Variants in GRAMD1C observed in about 807,000 individuals in gnomAD.
GRAMD1C encodes protein Aster-C.
A neutral mutation model predicts 97.8 loss-of-function variants in GRAMD1C; 89 were observed. The ratio of observed to expected loss-of-function variants is 0.91; its 90% CI spans 0.77 to 1.09. The LOEUF (loss-of-function observed/expected upper bound fraction) is 1.09. GRAMD1C is among the 50% of genes least tolerant of loss of function. The probability of loss-of-function intolerance (pLI) is 0.00; values close to 1 mark genes in which losing one functional copy is unlikely to be tolerated. For missense variants in GRAMD1C, 740 were observed against 766.4 expected (o/e 0.97, Z 0.41); for synonymous variants, 256 against 267.0 (o/e 0.96, Z 0.40).
At chr3:113,921,679 T>C (rs1937061709) in intron 10 of GRAMD1C, among the ~76,000 whole-genome samples, 1 of 152,238 alleles carries the variant, frequency 6.6e-6, no homozygotes, top group South Asian at 2.1e-4. Flanking sequence ...AGTATCTCAC[T>C]GTGGTTTGAT....
In GRAMD1C at chr3:113,943,044, C is replaced by T. The variant is rs147560945; in HGVS notation, c.1909-2354C>T. Among the ~76,000 whole-genome samples the T allele has an allele frequency of 2.7e-3, 418 of 152,230 alleles. 3 individuals are homozygous for T. The highest frequency in any genetic ancestry group is 4.1e-3 in the Admixed American group (62 of 15,290). On this transcript the variant is annotated intron_variant, in intron 17 of 17. Transcript: ENST00000358160. Reference sequence around the variant, plus strand: ...CCTTGCCCTTATAGCTTTATGCCTTCTAAAAAATCTCTTTATTAGTAGAGT... The same window carrying T: ...CCTTGCCCTTATAGCTTTATGCCTTTTAAAAAATCTCTTTATTAGTAGAGT...
chr3:113,939,958 CT>C lies in GRAMD1C; in HGVS notation c.1768del (p.Tyr590ThrfsTer11). ...CAAAGATAGAACATGCTGCTCAGTC[CT>C]TTTACCGTCTCCGCCTCCAAGAAGA... ...LSKIEHAAQSFYRLRLQEEKS... is the reference protein window; with the variant it reads ...LSKIEHAAQSXYRLRLQEEKS... On this transcript the variant is annotated frameshift_variant, in exon 16 of 18. Transcript: ENST00000358160. LOFTEE classifies it high-confidence loss of function. 2 of 1,605,698 alleles carry C rather than the reference CT, an allele frequency of 1.2e-6. No homozygotes were observed. Among genetic ancestry groups the C allele is most frequent in the Non-Finnish European group, 1.7e-6 (2 of 1,172,342 alleles).
chr3:113,865,952 T>C (rs1273727668), intron 2 of GRAMD1C, among the ~76,000 whole-genome samples: 1 of 152,230 alleles, frequency 6.6e-6, no homozygotes, highest in Non-Finnish European at 1.5e-5. Context: ...ACATAGTTTA[T>C]GAGGCTTTAA....
chr3:113,876,120 G>T, intron 4 of GRAMD1C, 45 bp from the exon 5 acceptor site: 1 of 834,404 alleles, frequency 1.2e-6, no homozygotes, highest in Non-Finnish European at 2.1e-6. Flanking sequence ...TTTGTATTGT[G>T]TATGTTTCTG....
chr3:113,834,939 C>CAAAAAAAAAA (rs58338279), upstream of GRAMD1C, among the ~76,000 whole-genome samples: 1 of 126,058 alleles, frequency 7.9e-6, no homozygotes. Context: ...AACTCCGTCT[C>CAAAAAAAAAA]AAAAAAAAAA....
At chr3:113,896,225 TCTTA>T (rs1282278456) in intron 6 of GRAMD1C, among the ~76,000 whole-genome samples, 2 of 152,214 alleles carry the variant, frequency 1.3e-5, no homozygotes, top group Non-Finnish European at 2.9e-5. Context: ...CCTGTGCTCA[TCTTA>T]CTTGACCTTT....
At chr3:113,896,814 A>G (rs1935968009) in intron 6 of GRAMD1C, among the ~76,000 whole-genome samples, 1 of 152,174 alleles carries the variant, frequency 6.6e-6, no homozygotes, top group African/African-American at 2.4e-5. Flanking sequence ...ACACATCACT[A>G]AATTAAATGG....
chr3:113,908,081 A>G (rs2107325128), intron 8 of GRAMD1C, among the ~76,000 whole-genome samples: 1 of 152,294 alleles, frequency 6.6e-6, no homozygotes, highest in Admixed American at 6.5e-5. Flanking sequence ...GGAAACCTGT[A>G]TCCTCCCTGG....
At chr3:113,938,466 TG>T (rs1180754904) in intron 15 of GRAMD1C, 1 of 191,900 alleles carries the variant, frequency 5.2e-6, no homozygotes, top group Non-Finnish European at 1.1e-5. Context: ...ATATACATGC[TG>T]GGGAAGTGCC....
intron 10 of GRAMD1C, among the ~76,000 whole-genome samples, chr3:113,925,816 T>C (rs943585657): frequency 1.3e-5 from 2 of 152,212 alleles, no homozygotes; most frequent in Non-Finnish European, 2.9e-5. Context: ...ATCTCATTTC[T>C]CCTTCACTTA....
chr3:113,879,950 G>A (rs995337763), intron 5 of GRAMD1C, among the ~76,000 whole-genome samples: 22 of 151,850 alleles, frequency 1.4e-4, no homozygotes, highest in Non-Finnish European at 8.8e-5. Flanking sequence ...TGCCTTGGCC[G>A]CCCAAAGTGT....
intron 10 of GRAMD1C, chr3:113,920,183 C>G (rs2200577): frequency 0.46 from 627,704 of 1,356,654 alleles, 146,484 homozygotes; most frequent in African/African-American, 0.61. Flanking sequence ...GGCATCTGCT[C>G]AACAGCCTGA....
In GRAMD1C at chr3:113,938,094, A is replaced by G; in HGVS notation, c.1642A>G (p.Lys548Glu). ...TTTCTTGTGATCTACAGGAAAGAAA[A>G]AGGAAATGGAAAACTATAACGTCAC... ...GAKGDITGKK[K>E]EMENYNVTLI... Residue 548 changes from lysine to glutamate, a missense_variant, in exon 15 of 18, where the codon AAG (lysine) becomes GAG (glutamate). Lys to Glu is a moderately conservative substitution (Grantham distance 56). Transcript: ENST00000358160. 6.6e-7 allele frequency: 1 copy of G among 1,522,406 alleles called. No homozygotes were observed. The highest frequency in any genetic ancestry group is 2.3e-5 in the East Asian group (1 of 43,744). The allele number at this position is 1,522,406 out of a possible 1,614,324, so 94.3% of individuals were successfully genotyped here. A position where few individuals can be genotyped will look rare whatever the true frequency, so the allele number is the denominator to read the frequency against.
At chr3:113,907,654 AAT>A (rs761707061) in intron 8 of GRAMD1C, among the ~76,000 whole-genome samples, 65 of 152,202 alleles carry the variant, frequency 4.3e-4, no homozygotes, top group Non-Finnish European at 7.5e-4. Flanking sequence ...TTTCCAAGAA[AAT>A]ATGTTTTTTA....
At chr3:113,882,473 A>T (rs918245131) in intron 5 of GRAMD1C, among the ~76,000 whole-genome samples, 1 of 152,180 alleles carries the variant, frequency 6.6e-6, no homozygotes, top group Non-Finnish European at 1.5e-5. Flanking sequence ...TTAAACTGAT[A>T]AACATAAATA....
intron 2 of GRAMD1C, among the ~76,000 whole-genome samples, chr3:113,857,315 TTTTTAAAAC>T (rs1233135826): frequency 2.6e-5 from 4 of 152,252 alleles, no homozygotes; most frequent in African/African-American, 7.2e-5. Context: ...CATTAAGGTA[TTTTTAAAAC>T]TATAGGTATT....
Position 113,869,584 on chromosome 3 carries a change from G to A in GRAMD1C, c.252G>A (p.Leu84=), listed in dbSNP as rs761930126. The A allele has an allele frequency of 6.9e-7, 1 of 1,446,626 alleles. No homozygotes were observed. Among genetic ancestry groups the A allele is most frequent in the Non-Finnish European group, 9.5e-7 (1 of 1,050,724 alleles). 89.6% of individuals were successfully genotyped at this position (1,446,626 alleles called of 1,614,324 possible). The change falls in exon 3 of 18, where the codon CTG becomes CTA. Residue 84 remains leucine (L), a synonymous_variant. Coordinates refer to ENST00000358160, the MANE Select transcript of GRAMD1C (RefSeq NM_017577.5). ...QFTHLPDTER[L]IADYACALQR... ...CACATCTACCTGATACAGAGAGGCT[G>A]ATAGCAGGTAAAATAGAAATTTTCA... is the stretch of plus-strand genomic sequence containing the variant.
chr3:113,881,169 G>A (rs1264440831), intron 5 of GRAMD1C, among the ~76,000 whole-genome samples: 1 of 151,810 alleles, frequency 6.6e-6, no homozygotes, highest in African/African-American at 2.4e-5. Flanking sequence ...TATTATTTTT[G>A]TCTGAGATGG....
chr3:113,901,927 GAC>G (rs368179347), intron 7 of GRAMD1C, among the ~76,000 whole-genome samples: 1 of 152,326 alleles, frequency 6.6e-6, no homozygotes, highest in East Asian at 1.9e-4. Flanking sequence ...AGTTTATAGA[GAC>G]AGAAAGTAAA....
Sources: gnomAD v4.1 joint callset for allele counts (sites outside exome capture counted in the v4.1 genomes callset) on GRCh38, gnomAD v4.1.1 for gene constraint, MANE v1.5 for transcripts, NCBI Gene and HGNC (gene_info 2026-07-23, HGNC 2026-07-21) for gene names.